Variants in CSMD1 observed in about 807,000 individuals in gnomAD.
The protein encoded by CSMD1 is CUB and sushi domain-containing protein 1.
Under a neutral mutation model 417.5 loss-of-function variants are expected in CSMD1, and 213 were observed. The observed-to-expected ratio is 0.51, with a 90% CI of 0.46 to 0.57. CSMD1 has a LOEUF of 0.57. Among genes scored for constraint, CSMD1 ranks in the 20% least tolerant of loss-of-function variants. CSMD1 has a pLI of 0.00. For missense variants in CSMD1, 6,923 were observed against 4,529.7 expected (o/e 1.53, Z -15.17); for synonymous variants, 2,862 against 1,736.8 (o/e 1.65, Z -16.11).
chr8:4,064,760 G>A (rs1425677016), intron 3 of CSMD1, among the ~76,000 whole-genome samples: 1 of 152,128 alleles, frequency 6.6e-6, no homozygotes, highest in African/African-American at 2.4e-5. Flanking sequence ...TACTGCTGTG[G>A]AAACAATCCA....
At chr8:3,367,478 G>T (rs1457040570) in intron 19 of CSMD1, among the ~76,000 whole-genome samples, 1 of 151,988 alleles carries the variant, frequency 6.6e-6, no homozygotes, top group Non-Finnish European at 1.5e-5. Flanking sequence ...GAGAGAAAAA[G>T]AGAGAGGTTA....
intron 3 of CSMD1, among the ~76,000 whole-genome samples, chr8:4,409,745 C>T (rs1460938742): frequency 6.6e-6 from 1 of 150,784 alleles, no homozygotes; most frequent in African/African-American, 2.4e-5. Flanking sequence ...GGAACATTAG[C>T]ACAGGGCATA....
intron 2 of CSMD1, among the ~76,000 whole-genome samples, chr8:4,578,606 G>A (rs572978247): frequency 1.3e-5 from 2 of 151,356 alleles, no homozygotes; most frequent in African/African-American, 4.9e-5. Flanking sequence ...CACGAGGTCA[G>A]GAGTTCAAGA....
chr8:4,663,700 C>T (rs573555588), intron 1 of CSMD1, among the ~76,000 whole-genome samples: 2 of 152,138 alleles, frequency 1.3e-5, no homozygotes, highest in African/African-American at 4.8e-5. Context: ...CCTACAGAAC[C>T]GCAGGTCAAC....
At chr8:4,974,319 T>A (rs1371893583) in intron 1 of CSMD1, among the ~76,000 whole-genome samples, 1 of 152,082 alleles carries the variant, frequency 6.6e-6, no homozygotes, top group African/African-American at 2.4e-5. Context: ...AGATTTTATT[T>A]TTGAAGAGCA....
At chr8:3,745,091 T>C (rs903907152) in intron 6 of CSMD1, among the ~76,000 whole-genome samples, 2 of 152,196 alleles carry the variant, frequency 1.3e-5, no homozygotes, top group Non-Finnish European at 2.9e-5. Context: ...ACAAGCTGAA[T>C]TGTAGCCCTA....
intron 26 of CSMD1, among the ~76,000 whole-genome samples, chr8:3,238,288 C>T (rs1799281266): frequency 6.6e-6 from 1 of 151,900 alleles, no homozygotes; most frequent in Non-Finnish European, 1.5e-5. Context: ...CAGGAACAGG[C>T]CATTTTCACT....
intron 3 of CSMD1, among the ~76,000 whole-genome samples, chr8:4,067,839 G>T (rs1216207341): frequency 6.6e-6 from 1 of 152,186 alleles, no homozygotes; most frequent in Non-Finnish European, 1.5e-5. Flanking sequence ...AACACTTTGG[G>T]AGGCCGAGGT....
At chr8:3,503,445 G>C (rs7004635) in intron 10 of CSMD1, among the ~76,000 whole-genome samples, 2 of 152,094 alleles carry the variant, frequency 1.3e-5, no homozygotes, top group African/African-American at 2.4e-5. Flanking sequence ...AGTGAAAAGC[G>C]CAATTCCTCT....
At chr8:3,766,047 C>T (rs918141969) in intron 5 of CSMD1, among the ~76,000 whole-genome samples, 18 of 152,158 alleles carry the variant, frequency 1.2e-4, no homozygotes, top group Admixed American at 3.3e-4. Flanking sequence ...TTAAGGACTA[C>T]GTGCCAGGGA....
chr8:4,175,104 G>C (rs933149350), intron 3 of CSMD1, among the ~76,000 whole-genome samples: 1 of 151,828 alleles, frequency 6.6e-6, no homozygotes, highest in Non-Finnish European at 1.5e-5. Flanking sequence ...ACAAATTTCT[G>C]CCAAGAATAA....
At chr8:4,295,740 ATGTG>A (rs36133370) in intron 3 of CSMD1, among the ~76,000 whole-genome samples, 2 of 33,006 alleles carry the variant, frequency 6.1e-5, no homozygotes, top group South Asian at 1.7e-3. Context: ...GTGTGTGTAT[ATGTG>A]TGTGTGTATA....
chr8:3,715,041 C>G (rs1347202246), intron 6 of CSMD1, among the ~76,000 whole-genome samples: 1 of 152,140 alleles, frequency 6.6e-6, no homozygotes, highest in Non-Finnish European at 1.5e-5. Flanking sequence ...CATTAATAGA[C>G]ACAATTACAT....
chr8:4,533,761 G>A (rs1227107528), intron 2 of CSMD1, among the ~76,000 whole-genome samples: 1 of 151,542 alleles, frequency 6.6e-6, no homozygotes, highest in African/African-American at 2.4e-5. Context: ...ATTACAGTGG[G>A]AGTATTTTAA....
At chr8:3,287,163 G>A (rs575571861) in intron 25 of CSMD1, among the ~76,000 whole-genome samples, 8 of 149,216 alleles carry the variant, frequency 5.4e-5, no homozygotes, top group Admixed American at 3.4e-4. Flanking sequence ...TGAGGGCTCT[G>A]TTCTGTTCCA....
intron 2 of CSMD1, among the ~76,000 whole-genome samples, chr8:4,477,262 C>T (rs1800853510): frequency 6.6e-6 from 1 of 152,178 alleles, no homozygotes; most frequent in Non-Finnish European, 1.5e-5. Context: ...ACTGCAGCTC[C>T]CACTAAGGTG....
chr8:3,444,144 T>G (rs143051161), intron 12 of CSMD1, among the ~76,000 whole-genome samples: 59 of 152,250 alleles, frequency 3.9e-4, no homozygotes, highest in Non-Finnish European at 6.6e-4. Flanking sequence ...AATCAAGCAG[T>G]GATTAATATT....
chr8:3,748,208 G>T (rs1050280324), intron 6 of CSMD1, among the ~76,000 whole-genome samples: 1 of 152,102 alleles, frequency 6.6e-6, no homozygotes, highest in Non-Finnish European at 1.5e-5. Flanking sequence ...TAGGAAAAGT[G>T]GTTACGTGTT....
intron 7 of CSMD1, among the ~76,000 whole-genome samples, chr8:3,666,315 G>T (rs1798692210): frequency 6.6e-6 from 1 of 152,160 alleles, no homozygotes; most frequent in South Asian, 2.1e-4. Flanking sequence ...TGAAGAATAT[G>T]CTTCAAAAGC....
Sources: allele counts gnomAD v4.1 joint callset (sites outside exome capture counted in the v4.1 genomes callset), GRCh38; gene constraint gnomAD v4.1.1; transcripts MANE v1.5; gene names NCBI Gene and HGNC (gene_info 2026-07-23, HGNC 2026-07-21).